LRMDA: variants seen among roughly 807,000 people sequenced by gnomAD.
LRMDA encodes the protein leucine-rich melanocyte differentiation-associated protein.
LRMDA carries 18 observed loss-of-function variants against 29.8 expected under a neutral mutation model. The ratio of observed to expected loss-of-function variants is 0.60; its 90% CI spans 0.42 to 0.90. LRMDA has a LOEUF of 0.90. Ranked by LOEUF, LRMDA falls within the 40% of genes least tolerant of loss-of-function variation. The pLI, the probability that LRMDA is intolerant of heterozygous loss-of-function variation, is 0.00. For synonymous variants in LRMDA, 125 were observed against 109.4 expected, an observed-to-expected ratio of 1.14 and a Z score of -0.89; for missense variants, 273 against 273.9, an observed-to-expected ratio of 1.00 and a Z score of 0.02.
chr10:75,632,369 A>G (rs148152097), intron 2 of LRMDA, among the ~76,000 whole-genome samples: 2 of 152,352 alleles, frequency 1.3e-5, no homozygotes, highest in Admixed American at 6.5e-5. Flanking sequence ...AGGATGTCTC[A>G]TCATCCCATC....
At chr10:75,862,358 A>AT (rs1844946438) in intron 2 of LRMDA, among the ~76,000 whole-genome samples, 1 of 152,102 alleles carries the variant, frequency 6.6e-6, no homozygotes, top group South Asian at 2.1e-4. Context: ...GGAGCATTGC[A>AT]TTTGGGGTAT....
rs116250278 is a variant in LRMDA at position 76,215,703 on chromosome 10, T to C, written c.517-108698T>C. 3.2e-3 allele frequency among the ~76,000 whole-genome samples: 491 copies of C among 152,260 alleles called. 5 individuals carry two copies. Among genetic ancestry groups the C allele is most frequent in the African/African-American group, 0.012 (479 of 41,558 alleles). Reference sequence around the variant, plus strand: ...CAATTCTACTTAACCACGTTGTTCTTGAAAAAAGAGAAATTGGGAGGAATT... The same window carrying C: ...CAATTCTACTTAACCACGTTGTTCTCGAAAAAAGAGAAATTGGGAGGAATT... On this transcript the variant is annotated intron_variant, in intron 5 of 6. Transcript: ENST00000611255.
rs116116180 is a variant in LRMDA at position 76,470,943 on chromosome 10, C to T, written c.602-86266C>T. 9.1e-3 allele frequency among the ~76,000 whole-genome samples: 1,381 copies of T among 151,702 alleles called. 18 individuals are homozygous for T. The highest frequency in any genetic ancestry group is 0.032 in the African/African-American group (1,325 of 41,420). On this transcript the variant is annotated intron_variant, in intron 6 of 6. Coordinates refer to ENST00000611255, the MANE Select transcript of LRMDA (RefSeq NM_001305581.2). ...GGTAAATTTTGTTATGCACGTTAAC[C>T]ACAATAAAAATAATTAACTCTAAAA...
In LRMDA at chr10:76,024,917, G is replaced by C. The variant is rs538851919; in HGVS notation, c.132-11091G>C. Among the ~76,000 whole-genome samples, 10 of 152,336 alleles carry C rather than the reference G, an allele frequency of 6.6e-5. No homozygotes were observed. In the South Asian group the frequency reaches 2.1e-3, roughly 32 times the overall value. On this transcript the variant is annotated intron_variant, in intron 2 of 6. Coordinates refer to ENST00000611255, the MANE Select transcript of LRMDA (RefSeq NM_001305581.2). The stretch of plus-strand genomic sequence containing the variant: ...ACATATGTTTGCCCAATGGCTGTGG[G>C]CGCCTCCCCCACCAGGCTCTGCATT...
chr10:75,489,882 T>C (rs942225250), intron 2 of LRMDA, among the ~76,000 whole-genome samples: 1 of 152,170 alleles, frequency 6.6e-6, no homozygotes, highest in Non-Finnish European at 1.5e-5. Context: ...ATAAGAATAA[T>C]GGCAATATTT....
In LRMDA at chr10:75,463,929, AG is replaced by A. The variant is rs138331078; in HGVS notation, c.131+25436del. Among the ~76,000 whole-genome samples the A allele has an allele frequency of 7.9e-3, 1,199 of 152,096 alleles. 15 individuals are homozygous for A. The highest frequency in any genetic ancestry group is 0.028 in the African/African-American group (1,158 of 41,474). Reference sequence around the variant, plus strand: ...TGATCCTCTCACCTCGGCCTCCCAAAGTGCTGGGATTACAGGCATGAACCAC... The same window carrying A: ...TGATCCTCTCACCTCGGCCTCCCAAATGCTGGGATTACAGGCATGAACCAC... On this transcript the variant is annotated intron_variant, in intron 2 of 6. Transcript: ENST00000611255.
intron 2 of LRMDA, among the ~76,000 whole-genome samples, chr10:75,818,928 A>G (rs1844109287): frequency 6.6e-6 from 1 of 152,216 alleles, no homozygotes; most frequent in South Asian, 2.1e-4. Flanking sequence ...AACTTCCTTA[A>G]TCCCAAGACC....
At chr10:75,631,154 C>T (rs1466598621) in intron 2 of LRMDA, among the ~76,000 whole-genome samples, 1 of 152,122 alleles carries the variant, frequency 6.6e-6, no homozygotes, top group African/African-American at 2.4e-5. Context: ...TCCCATGTTT[C>T]CACAGAATCT....
chr10:75,596,216 A>G (rs553276802), intron 2 of LRMDA, among the ~76,000 whole-genome samples: 18 of 152,264 alleles, frequency 1.2e-4, no homozygotes, highest in Non-Finnish European at 1.8e-4. Context: ...AGCAGAGAGT[A>G]TAAATATCAC....
intron 2 of LRMDA, among the ~76,000 whole-genome samples, chr10:75,924,645 A>G (rs1321710596): frequency 6.6e-6 from 1 of 152,092 alleles, no homozygotes; most frequent in Non-Finnish European, 1.5e-5. Flanking sequence ...AAGTGGCTTT[A>G]ATACCCTGAA....
At chr10:75,526,774 G>A (rs1175051389) in intron 2 of LRMDA, among the ~76,000 whole-genome samples, 2 of 151,786 alleles carry the variant, frequency 1.3e-5, no homozygotes, top group African/African-American at 4.8e-5. Flanking sequence ...CAGGAGGATG[G>A]CTGGAGCTCA....
chr10:76,319,550 G>A (rs1840743597), intron 5 of LRMDA, among the ~76,000 whole-genome samples: 1 of 152,030 alleles, frequency 6.6e-6, no homozygotes. Context: ...ACCCAGCAAT[G>A]CAACCAATGT....
At chr10:76,015,384 C>T (rs12244763) in intron 2 of LRMDA, among the ~76,000 whole-genome samples, 20,554 of 152,096 alleles carry the variant, frequency 0.14, 1,726 homozygotes, top group South Asian at 0.21. Context: ...GGGTGGGATT[C>T]GGTTCCACAT....
intron 2 of LRMDA, among the ~76,000 whole-genome samples, chr10:75,961,895 C>A (rs1035310847): frequency 6.6e-6 from 1 of 152,112 alleles, no homozygotes. Context: ...TGTTCCAGGT[C>A]TCTCTCCTGG....
At chr10:76,548,938 G>T (rs1388504171) in intron 6 of LRMDA, among the ~76,000 whole-genome samples, 1 of 152,194 alleles carries the variant, frequency 6.6e-6, no homozygotes, top group Non-Finnish European at 1.5e-5. Context: ...TGAGTGTGGG[G>T]TCCAGGACCC....
At position 75,683,983 on chromosome 10, in the gene LRMDA, T is replaced by C. The variant is rs556883517; in HGVS notation, c.131+245489T>C. Among the ~76,000 whole-genome samples the C allele has an allele frequency of 2.6e-5, 4 of 152,330 alleles. No individual in the cohort carries two copies. In the South Asian group the frequency reaches 8.3e-4, roughly 32 times the overall value. The stretch of plus-strand genomic sequence containing the variant: ...TAGGTTTTTATGGATCTGATTCTTA[T>C]CTGGGGTAGACATGCACATGTTTTT... On this transcript the variant is annotated intron_variant, in intron 2 of 6. Coordinates refer to ENST00000611255, the MANE Select transcript of LRMDA (RefSeq NM_001305581.2).
Position 76,462,399 on chromosome 10 carries a change from T to C in LRMDA, c.602-94810T>C, listed in dbSNP as rs966835132. Among the ~76,000 whole-genome samples the C allele has an allele frequency of 3.9e-5, 6 of 152,132 alleles. 1 individual carries two copies. The highest frequency in any genetic ancestry group is 2.0e-4 in the Admixed American group (3 of 15,280). ...GTTCCTTCCCATCAGTTGACAGGAA[T>C]TGGTAGTAAAAGAATCCCCATAGAA... On this transcript the variant is annotated intron_variant, in intron 6 of 6. Transcript: ENST00000611255.
chr10:75,853,360 A>G (rs1490459183), intron 2 of LRMDA, among the ~76,000 whole-genome samples: 1 of 152,054 alleles, frequency 6.6e-6, no homozygotes, highest in Non-Finnish European at 1.5e-5. Context: ...TAAGAAGCAC[A>G]TTCTCTTACT....
intron 2 of LRMDA, among the ~76,000 whole-genome samples, chr10:75,769,776 C>T (rs908986807): frequency 2.0e-5 from 3 of 152,190 alleles, no homozygotes; most frequent in Admixed American, 1.3e-4. Flanking sequence ...CTTGTGTAGC[C>T]GCTTGATCAA....
Sources: allele counts gnomAD v4.1 joint callset (sites outside exome capture counted in the v4.1 genomes callset), GRCh38; gene constraint gnomAD v4.1.1; transcripts MANE v1.5; gene names NCBI Gene and HGNC (gene_info 2026-07-23, HGNC 2026-07-21).